The following ARHGEF38 variants were observed in gnomAD, a reference collection of about 807,000 sequenced individuals.
ARHGEF38 encodes the protein Rho guanine nucleotide exchange factor 38.
Under a neutral mutation model 79.9 loss-of-function variants are expected in ARHGEF38, and 79 were observed. That is an observed-to-expected ratio of 0.99 (90% CI 0.82 to 1.19). The LOEUF is 1.19. Ranked by LOEUF, ARHGEF38 falls within the 50% of genes most tolerant of loss-of-function variation. ARHGEF38 has a pLI of 0.00. For missense variants in ARHGEF38, 962 were observed against 907.2 expected (o/e 1.06, Z -0.78); for synonymous variants, 366 against 328.3 (o/e 1.11, Z -1.24).
At chr4:105,621,479 T>C (rs2110503774) in intron 3 of ARHGEF38, among the ~76,000 whole-genome samples, 1 of 152,338 alleles carries the variant, frequency 6.6e-6, no homozygotes, top group Non-Finnish European at 1.5e-5. Context: ...TGCATTTTCC[T>C]GAGGGTGACT....
chr4:105,579,462 A>G (rs1726670150), intron 1 of ARHGEF38, among the ~76,000 whole-genome samples: 1 of 152,126 alleles, frequency 6.6e-6, no homozygotes, highest in Non-Finnish European at 1.5e-5. Flanking sequence ...CCGTATCAAA[A>G]GCCTTTTCTG....
chr4:105,659,695 T>G (rs184685864), intron 10 of ARHGEF38, among the ~76,000 whole-genome samples: 1 of 152,306 alleles, frequency 6.6e-6, no homozygotes, highest in Non-Finnish European at 1.5e-5. Context: ...TATTTTGTAT[T>G]TTTTTCTGAT....
intron 2 of ARHGEF38, among the ~76,000 whole-genome samples, chr4:105,610,925 C>A (rs11946460): frequency 0.013 from 1,915 of 151,978 alleles, 30 homozygotes; most frequent in African/African-American, 0.036. Context: ...CAGGAACAAA[C>A]CAAAAAATCT....
intron 3 of ARHGEF38, among the ~76,000 whole-genome samples, chr4:105,621,490 C>A (rs1728732588): frequency 6.6e-6 from 1 of 152,176 alleles, no homozygotes; most frequent in African/African-American, 2.4e-5. Context: ...GAGGGTGACT[C>A]TCTCCTTGGA....
At chr4:105,668,220 C>T (rs749840736) in intron 13 of ARHGEF38, among the ~76,000 whole-genome samples, 16 of 151,386 alleles carry the variant, frequency 1.1e-4, no homozygotes, top group East Asian at 3.9e-4. Flanking sequence ...CTCACTCTGT[C>T]GCCCAGGCTG....
intron 10 of ARHGEF38, among the ~76,000 whole-genome samples, chr4:105,665,107 C>T (rs953910235): frequency 1.3e-5 from 2 of 152,042 alleles, no homozygotes; most frequent in Admixed American, 1.3e-4. Flanking sequence ...AAGCAGTCCT[C>T]CTGCCTCAGC....
intron 1 of ARHGEF38, among the ~76,000 whole-genome samples, chr4:105,554,988 T>C (rs79119725): frequency 0.041 from 6,197 of 152,292 alleles, 175 homozygotes; most frequent in Middle Eastern, 0.068. Context: ...TATCAGAGTC[T>C]CCATTAGCAA....
intron 11 of ARHGEF38, 21 bp downstream of exon 11, chr4:105,666,341 G>T: frequency 6.6e-7 from 1 of 1,503,978 alleles, no homozygotes; most frequent in South Asian, 1.3e-5. Context: ...CAGCATTCAT[G>T]ACAATGATAA....
rs374493760 is a variant in ARHGEF38 at position 105,585,586 on chromosome 4, T to G, written c.197-3662T>G. Among the ~76,000 whole-genome samples, 611 of 152,326 alleles carry G rather than the reference T, an allele frequency of 4.0e-3. 1 individual carries two copies. The highest frequency in any genetic ancestry group is 7.4e-3 in the Non-Finnish European group (502 of 68,036). ...TACTGCTTTAATATACAGCTGCATA[T>G]TTCTGTTATAGCAATCTGAATATCC... is the stretch of plus-strand genomic sequence containing the variant. On this transcript the variant is annotated intron_variant, in intron 1 of 13. Coordinates refer to ENST00000420470, the MANE Select transcript of ARHGEF38 (RefSeq NM_001242729.2).
intron 2 of ARHGEF38, among the ~76,000 whole-genome samples, chr4:105,599,617 T>C (rs1243174144): frequency 6.6e-6 from 1 of 152,114 alleles, no homozygotes; most frequent in Non-Finnish European, 1.5e-5. Context: ...GCCATAAACC[T>C]CTCTAATGAA....
chr4:105,648,188 G>A (rs1207871598), intron 6 of ARHGEF38, among the ~76,000 whole-genome samples: 1 of 152,010 alleles, frequency 6.6e-6, no homozygotes, highest in Admixed American at 6.6e-5. Flanking sequence ...GTGCCCGGCT[G>A]AGTTGTCTTT....
chr4:105,613,430 T>C lies in ARHGEF38; in HGVS notation c.431T>C (p.Val144Ala), dbSNP rs926131397. ...AGCTTGTTTAGCAACATTGAGTCCGTGCATCAGATATCAGCCAAGCTGCTG... is the reference window on the plus strand; with the variant it reads ...AGCTTGTTTAGCAACATTGAGTCCGCGCATCAGATATCAGCCAAGCTGCTG... Reference protein sequence around the residue: ...VDSLFSNIESVHQISAKLLSL... With the variant: ...VDSLFSNIESAHQISAKLLSL... The change falls in exon 3 of 14, where the codon GTG becomes GCG. Residue 144 changes from valine to alanine, a missense_variant. Coordinates refer to ENST00000420470, the MANE Select transcript of ARHGEF38 (RefSeq NM_001242729.2). 1.2e-6 allele frequency: 2 copies of C among 1,613,448 alleles called. No individual in the cohort carries two copies. The highest frequency in any genetic ancestry group is 1.7e-6 in the Non-Finnish European group (2 of 1,179,530).
chr4:105,649,744 TC>T (rs1730020244), intron 7 of ARHGEF38, among the ~76,000 whole-genome samples: 1 of 152,154 alleles, frequency 6.6e-6, no homozygotes, highest in Non-Finnish European at 1.5e-5. Context: ...TTTGCAGCTT[TC>T]CAACCACTTA....
chr4:105,560,032 A>G (rs1725440409), intron 1 of ARHGEF38, among the ~76,000 whole-genome samples: 1 of 152,136 alleles, frequency 6.6e-6, no homozygotes, highest in African/African-American at 2.4e-5. Flanking sequence ...TAACTAGTTG[A>G]CTCAGTAGGT....
chr4:105,652,759 C>T (rs1361025031), intron 7 of ARHGEF38, among the ~76,000 whole-genome samples: 2 of 152,174 alleles, frequency 1.3e-5, no homozygotes, highest in African/African-American at 2.4e-5. Context: ...GTTATACACA[C>T]TAGACTGAGT....
rs777318246 is a variant in ARHGEF38 at position 105,630,938 on chromosome 4, TTATAAAA to T, written c.551_557del (p.Tyr184SerfsTer22). On this transcript the variant is annotated frameshift_variant, in exon 4 of 14. Coordinates refer to ENST00000420470, the MANE Select transcript of ARHGEF38 (RefSeq NM_001242729.2). LOFTEE classifies it high-confidence loss of function. The stretch of plus-strand genomic sequence containing the variant: ...AGATTAAAGGGCCACTGGAAGATAT[TTATAAAA>T]TCTACTGCTATCACCATGATGAAGC... 1 of 1,612,404 alleles carries T rather than the reference TTATAAAA, an allele frequency of 6.2e-7. No homozygotes were observed. The highest frequency in any genetic ancestry group is 8.5e-7 in the Non-Finnish European group (1 of 1,179,466).
chr4:105,584,680 T>C (rs963977895), intron 1 of ARHGEF38, among the ~76,000 whole-genome samples: 4 of 152,204 alleles, frequency 2.6e-5, no homozygotes, highest in African/African-American at 9.6e-5. Context: ...TCTATGTCTA[T>C]CTATATATAA....
chr4:105,610,027 A>G (rs1728221409), intron 2 of ARHGEF38, among the ~76,000 whole-genome samples: 3 of 152,168 alleles, frequency 2.0e-5, no homozygotes, highest in Non-Finnish European at 4.4e-5. Context: ...CTATGCAGCC[A>G]TAAAAAGGAA....
At chr4:105,632,569 G>A (rs754477728) in intron 4 of ARHGEF38, 3 of 151,722 alleles carry the variant, frequency 2.0e-5, no homozygotes, top group Non-Finnish European at 2.9e-5. Context: ...TTATTCTTTG[G>A]GAAAAAAAAG....
Sources: allele counts gnomAD v4.1 joint callset (sites outside exome capture counted in the v4.1 genomes callset), GRCh38; gene constraint gnomAD v4.1.1; transcripts MANE v1.5; gene names NCBI Gene and HGNC (gene_info 2026-07-23, HGNC 2026-07-21).